Variants in ATG5 observed in about 807,000 individuals in gnomAD.
ATG5 encodes autophagy protein 5.
ATG5 carries 14 observed loss-of-function variants against 36.5 expected under a neutral mutation model. The ratio of observed to expected loss-of-function variants is 0.38; its 90% CI spans 0.25 to 0.60. ATG5 has a LOEUF of 0.60. Among genes scored for constraint, ATG5 ranks in the 20% least tolerant of loss-of-function variants. ATG5 has a pLI of 0.60. For missense variants in ATG5, 195 were observed against 326.7 expected (o/e 0.60, Z 3.11); for synonymous variants, 95 against 101.5 (o/e 0.94, Z 0.38).
In ATG5 at chr6:106,186,548, T is replaced by C. The variant is rs757158272; in HGVS notation, c.820A>G (p.Thr274Ala). 1.5e-5 allele frequency: 25 copies of C among 1,613,448 alleles called. No individual in the cohort carries two copies. Among genetic ancestry groups the C allele is most frequent in the Non-Finnish European group, 1.4e-5 (16 of 1,179,566 alleles). The change falls in exon 8 of 8, where the codon ACA (threonine) becomes GCA (alanine). Residue 274 changes from threonine to alanine, a missense_variant. By Grantham distance (58) the Thr-to-Ala change is moderately conservative (BLOSUM62 0). Coordinates refer to ENST00000369076, the MANE Select transcript of ATG5 (RefSeq NM_004849.4). ...FLHISIIPQP[T>A]D ...GGCAAATAGTTGATCCTTCAATCTG[T>C]TGGCTGTGGGATGATACTAATATGA...
chr6:106,270,596 A>G (rs1278351327), intron 5 of ATG5, among the ~76,000 whole-genome samples: 1 of 152,206 alleles, frequency 6.6e-6, no homozygotes, highest in Non-Finnish European at 1.5e-5. Context: ...ACACAGTACG[A>G]AACTAGAAGC....
intron 5 of ATG5, among the ~76,000 whole-genome samples, chr6:106,268,785 C>A (rs900589564): frequency 3.3e-5 from 5 of 152,064 alleles, no homozygotes; most frequent in African/African-American, 1.2e-4. Flanking sequence ...AACAGAAAAC[C>A]AAACACCACA....
intron 6 of ATG5, among the ~76,000 whole-genome samples, chr6:106,221,201 T>A (rs1194402879): frequency 2.6e-5 from 4 of 152,232 alleles, no homozygotes; most frequent in Non-Finnish European, 5.9e-5. Context: ...TCAACTGTAA[T>A]CTGAGGTCCT....
intron 6 of ATG5, among the ~76,000 whole-genome samples, chr6:106,232,011 T>C (rs551039108): frequency 1.3e-5 from 2 of 152,304 alleles, no homozygotes; most frequent in Admixed American, 6.5e-5. Context: ...CCCTCGTCCA[T>C]GCACCTCGTG....
intron 5 of ATG5, among the ~76,000 whole-genome samples, chr6:106,256,818 T>G (rs1343873480): frequency 6.6e-6 from 1 of 152,220 alleles, no homozygotes; most frequent in East Asian, 1.9e-4. Context: ...TGTGAAGGCC[T>G]AGGACATTAC....
intron 6 of ATG5, among the ~76,000 whole-genome samples, chr6:106,235,441 A>G (rs944230280): frequency 1.3e-5 from 2 of 152,078 alleles, no homozygotes; most frequent in Non-Finnish European, 2.9e-5. Flanking sequence ...GTCGTCAGCC[A>G]ACCTCCCCAA....
rs1047064129 is a variant in ATG5 at position 106,263,405 on chromosome 6, G to C, written c.479-15161C>G. Among the ~76,000 whole-genome samples, 21 of 152,354 alleles carry C rather than the reference G, an allele frequency of 1.4e-4. 2 individuals carry two copies. In the South Asian group the frequency reaches 1.9e-3, roughly 14 times the overall value. ...ACAGCACCTGGGGGAAGGGGCGGCT[G>C]TGGGTGCAGCTCCAGCGGATTTAAT... On this transcript the variant is annotated intron_variant, in intron 5 of 7. Transcript: ENST00000369076.
intron 5 of ATG5, among the ~76,000 whole-genome samples, chr6:106,273,541 G>A (rs952870073): frequency 5.9e-5 from 9 of 152,076 alleles, no homozygotes; most frequent in African/African-American, 2.2e-4. Flanking sequence ...CTTCGTATTT[G>A]TAATAAAACT....
chr6:106,300,473 G>C (rs2114647777), intron 3 of ATG5, among the ~76,000 whole-genome samples: 1 of 152,212 alleles, frequency 6.6e-6, no homozygotes, highest in African/African-American at 2.4e-5. Context: ...TCATGTCTAT[G>C]TTTAAGATCA....
At chr6:106,225,593 CAG>C (rs1308516748) in intron 6 of ATG5, among the ~76,000 whole-genome samples, 2 of 152,152 alleles carry the variant, frequency 1.3e-5, no homozygotes, top group African/African-American at 4.8e-5. Context: ...TCAGTAATAG[CAG>C]AGTGAGGACC....
At chr6:106,297,717 A>AACACACACACAC (rs56336702) in intron 3 of ATG5, among the ~76,000 whole-genome samples, 33 of 135,520 alleles carry the variant, frequency 2.4e-4, no homozygotes, top group African/African-American at 6.5e-4. Flanking sequence ...AAATGACTTA[A>AACACACACACAC]ACACACACAC....
chr6:106,254,191 T>C lies in ATG5; in HGVS notation c.479-5947A>G, dbSNP rs80000765. Reference sequence around the variant, plus strand: ...CTGCTTCTCATCATTCAAGTCTCAATAGTGTTACCCCCTCAGAAAGATTTC... The same window carrying C: ...CTGCTTCTCATCATTCAAGTCTCAACAGTGTTACCCCCTCAGAAAGATTTC... On this transcript the variant is annotated intron_variant, in intron 5 of 7. Coordinates refer to ENST00000369076, the MANE Select transcript of ATG5 (RefSeq NM_004849.4). Among the ~76,000 whole-genome samples the C allele has an allele frequency of 3.3e-3, 509 of 152,340 alleles. 3 individuals carry two copies. Among genetic ancestry groups the C allele is most frequent in the Non-Finnish European group, 6.2e-3 (422 of 68,030 alleles).
chr6:106,236,209 G>A (rs1293868630), intron 6 of ATG5, among the ~76,000 whole-genome samples: 3 of 152,124 alleles, frequency 2.0e-5, no homozygotes, highest in Non-Finnish European at 4.4e-5. Context: ...GCTGTTTTAG[G>A]AATATAATGC....
At chr6:106,226,688 T>C (rs1266488343) in intron 6 of ATG5, among the ~76,000 whole-genome samples, 2 of 152,230 alleles carry the variant, frequency 1.3e-5, no homozygotes, top group African/African-American at 2.4e-5. Flanking sequence ...TTATATCAGC[T>C]CTTTTTACTC....
intron 6 of ATG5, among the ~76,000 whole-genome samples, chr6:106,230,156 CAG>C (rs1777619465): frequency 1.3e-5 from 2 of 152,198 alleles, no homozygotes; most frequent in Admixed American, 1.3e-4. Context: ...CTTGTGGAAG[CAG>C]AGTTAGAAAA....
At chr6:106,272,944 T>C (rs1779509455) in intron 5 of ATG5, among the ~76,000 whole-genome samples, 1 of 152,126 alleles carries the variant, frequency 6.6e-6, no homozygotes, top group African/African-American at 2.4e-5. Flanking sequence ...AAATAATAGA[T>C]GAAACAAGGC....
chr6:106,313,517 A>C (rs1371759689), intron 2 of ATG5, among the ~76,000 whole-genome samples: 1 of 152,238 alleles, frequency 6.6e-6, no homozygotes, highest in African/African-American at 2.4e-5. Context: ...TTTATACTGG[A>C]TAATCTAAAT....
chr6:106,296,601 TGAG>T (rs1393502546), intron 3 of ATG5, among the ~76,000 whole-genome samples: 1 of 152,190 alleles, frequency 6.6e-6, no homozygotes, highest in African/African-American at 2.4e-5. Flanking sequence ...GTGGTTCACC[TGAG>T]GTTAGGAATT....
intron 6 of ATG5, among the ~76,000 whole-genome samples, chr6:106,236,045 G>A (rs1777892222): frequency 6.6e-6 from 1 of 152,008 alleles, no homozygotes; most frequent in African/African-American, 2.4e-5. Context: ...TCATTTTTTT[G>A]TCACTACATA....
Sources: allele counts gnomAD v4.1 joint callset (sites outside exome capture counted in the v4.1 genomes callset), GRCh38; gene constraint gnomAD v4.1.1; transcripts MANE v1.5; gene names NCBI Gene and HGNC (gene_info 2026-07-23, HGNC 2026-07-21).